Variants in TANGO6 observed in about 807,000 individuals in gnomAD.
TANGO6 encodes transport and golgi organization 6 homolog.
A neutral mutation model predicts 114.2 loss-of-function variants in TANGO6; 90 were observed. The observed-to-expected ratio is 0.79, with a 90% CI of 0.66 to 0.94. TANGO6 has a LOEUF of 0.94. Among genes scored for constraint, TANGO6 ranks in the 40% least tolerant of loss-of-function variants. The probability of loss-of-function intolerance (pLI) is 0.00; values close to 1 mark genes in which losing one functional copy is unlikely to be tolerated. For missense variants in TANGO6, 1,274 were observed against 1,315.3 expected (o/e 0.97, Z 0.49); for synonymous variants, 477 against 509.8 (o/e 0.94, Z 0.87).
Position 68,907,464 on chromosome 16 carries a change from C to A in TANGO6, c.1689C>A (p.Ala563=). Residue 563 remains alanine, a synonymous_variant, in exon 10 of 18, where the codon GCC becomes GCA. Transcript: ENST00000261778. ...GCAGTGATGAAGATGAAGATGAAGCCCTGTACCAGAAGGTATCCTCTGAGC... is the reference window on the plus strand; with the variant it reads ...GCAGTGATGAAGATGAAGATGAAGCACTGTACCAGAAGGTATCCTCTGAGC... ...EAISDEDEDE[A]LYQKVSSEQG... is the part of the protein sequence containing the mutation. 2 of 1,607,272 alleles carry A rather than the reference C, an allele frequency of 1.2e-6. No homozygotes were observed. The highest frequency in any genetic ancestry group is 1.7e-6 in the Non-Finnish European group (2 of 1,178,174).
intron 14 of TANGO6, among the ~76,000 whole-genome samples, chr16:68,935,726 C>T (rs1460533496): frequency 2.0e-5 from 3 of 152,152 alleles, no homozygotes; most frequent in African/African-American, 7.2e-5. Context: ...AGATAAATGT[C>T]TCCCCTTTTG....
chr16:69,015,360 A>T (rs1308998649), intron 15 of TANGO6, among the ~76,000 whole-genome samples: 1 of 152,178 alleles, frequency 6.6e-6, no homozygotes, highest in Non-Finnish European at 1.5e-5. Flanking sequence ...CTGACCAGGT[A>T]CAATGCAGGG....
chr16:69,044,251 G>A (rs1170277892), intron 17 of TANGO6, among the ~76,000 whole-genome samples: 4 of 152,164 alleles, frequency 2.6e-5, no homozygotes, highest in Non-Finnish European at 5.9e-5. Flanking sequence ...TTTTAGTAGA[G>A]ACAGGGTTTC....
At chr16:68,980,435 A>ATATATATATT (rs1317961639) in intron 15 of TANGO6, among the ~76,000 whole-genome samples, 3 of 61,778 alleles carry the variant, frequency 4.9e-5, no homozygotes, top group Non-Finnish European at 5.9e-5. Flanking sequence ...ATATATATAT[A>ATATATATATT]TTTTTTTTTT....
chr16:69,006,138 T>G (rs1333263749), intron 15 of TANGO6, among the ~76,000 whole-genome samples: 1 of 152,108 alleles, frequency 6.6e-6, no homozygotes, highest in East Asian at 1.9e-4. Flanking sequence ...TGGGTTCTGC[T>G]TGGCTGGTGG....
chr16:68,916,021 T>C (rs1458885579), intron 11 of TANGO6, among the ~76,000 whole-genome samples: 1 of 152,198 alleles, frequency 6.6e-6, no homozygotes, highest in East Asian at 1.9e-4. Flanking sequence ...CAAAGGTGTT[T>C]TTACTTAAGT....
intron 15 of TANGO6, among the ~76,000 whole-genome samples, chr16:68,991,901 A>G (rs1381543018): frequency 6.6e-6 from 1 of 152,174 alleles, no homozygotes; most frequent in East Asian, 1.9e-4. Context: ...TCCTTGACAC[A>G]AAGAGATGAG....
chr16:68,958,380 T>C (rs1027117804), intron 14 of TANGO6, among the ~76,000 whole-genome samples: 7 of 149,620 alleles, frequency 4.7e-5, no homozygotes, highest in African/African-American at 1.7e-4. Context: ...TCTCAGCTAC[T>C]TGGGAGGCTG....
chr16:68,860,304 G>A lies in TANGO6; in HGVS notation c.515G>A (p.Arg172Lys), dbSNP rs372814777. 3.5e-5 allele frequency: 56 copies of A among 1,613,832 alleles called. No individual in the cohort carries two copies. Among genetic ancestry groups the A allele is most frequent in the Admixed American group, 5.0e-5 (3 of 59,982 alleles). Residue 172 changes from arginine to lysine, a missense_variant, in exon 2 of 18, where the codon AGA becomes AAA. Coordinates refer to ENST00000261778, the MANE Select transcript of TANGO6 (RefSeq NM_024562.2). Reference protein sequence around the residue: ...MPGVGVPLRYRTEFGAVVQDV... With the variant: ...MPGVGVPLRYKTEFGAVVQDV... ...GGTGTTGGAGTCCCTTTGAGATATAGAACTGAATTTGGTGCCGTCGTTCAA... is the reference window on the plus strand; with the variant it reads ...GGTGTTGGAGTCCCTTTGAGATATAAAACTGAATTTGGTGCCGTCGTTCAA...
At chr16:68,958,504 A>AG (rs1963557480) in intron 14 of TANGO6, among the ~76,000 whole-genome samples, 4 of 150,842 alleles carry the variant, frequency 2.7e-5, no homozygotes, top group African/African-American at 7.4e-5. Context: ...AAAAAAAAAA[A>AG]AAGAGAGAGG....
chr16:69,024,242 G>C (rs950000991), intron 16 of TANGO6, among the ~76,000 whole-genome samples: 2 of 148,970 alleles, frequency 1.3e-5, no homozygotes, highest in Non-Finnish European at 3.0e-5. Flanking sequence ...CTTGCCCCTG[G>C]CCTCTATGAG....
intron 14 of TANGO6, among the ~76,000 whole-genome samples, chr16:68,968,016 A>AG (rs1323813528): frequency 1.8e-4 from 27 of 152,002 alleles, no homozygotes; most frequent in Non-Finnish European, 3.4e-4. Flanking sequence ...AGAAAAAAAA[A>AG]CAGTTATTTT....
intron 13 of TANGO6, 75 bp from the exon 14 acceptor site, chr16:68,930,163 G>C: frequency 7.7e-7 from 1 of 1,300,204 alleles, no homozygotes; most frequent in Non-Finnish European, 1.1e-6. Context: ...ACTCCTTTGA[G>C]CTGCTGATAA....
At chr16:68,874,183 C>T (rs754627735) in intron 4 of TANGO6, among the ~76,000 whole-genome samples, 3 of 152,216 alleles carry the variant, frequency 2.0e-5, no homozygotes, top group Non-Finnish European at 4.4e-5. Context: ...ACTCTCTCTA[C>T]ATGTAACTTC....
chr16:68,972,369 G>T (rs780456680), intron 14 of TANGO6, among the ~76,000 whole-genome samples: 1 of 152,050 alleles, frequency 6.6e-6, no homozygotes, highest in Non-Finnish European at 1.5e-5. Flanking sequence ...GAAGAGAATG[G>T]AATCACAACC....
chr16:68,928,165 G>A (rs1003311222), intron 13 of TANGO6, 82 bp downstream of exon 13: 100 of 1,438,872 alleles, frequency 6.9e-5, no homozygotes, highest in Non-Finnish European at 8.4e-5. Context: ...CCTGGACTAT[G>A]TGTCAAGTGC....
intron 7 of TANGO6, among the ~76,000 whole-genome samples, chr16:68,882,171 A>G (rs1356064044): frequency 6.6e-6 from 1 of 152,058 alleles, no homozygotes; most frequent in African/African-American, 2.4e-5. Context: ...CAGCAATTCC[A>G]CTACTAGGTA....
chr16:68,862,555 G>A (rs16958436), intron 2 of TANGO6, among the ~76,000 whole-genome samples: 3,714 of 152,264 alleles, frequency 0.024, 147 homozygotes, highest in African/African-American at 0.084. Flanking sequence ...ATTTTAAGGC[G>A]CACTGGAAAA....
Position 68,894,111 on chromosome 16 carries a change from A to G in TANGO6, c.1378-6323A>G, listed in dbSNP as rs573428998. On this transcript the variant is annotated intron_variant, in intron 7 of 17. Coordinates refer to ENST00000261778, the MANE Select transcript of TANGO6 (RefSeq NM_024562.2). ...TGTGTAGTATGATTTCATGGGAAGG[A>G]TTATTCCTTTTTAGTGCATTGTTTG... Among the ~76,000 whole-genome samples, 4 of 152,278 alleles carry G rather than the reference A, an allele frequency of 2.6e-5. No homozygotes were observed. The South Asian group carries it at 8.3e-4, about 32-fold the overall frequency.
Sources: allele counts gnomAD v4.1 joint callset (sites outside exome capture counted in the v4.1 genomes callset), GRCh38; gene constraint gnomAD v4.1.1; transcripts MANE v1.5; gene names NCBI Gene and HGNC (gene_info 2026-07-23, HGNC 2026-07-21).